The following THADA variants were observed in gnomAD, a reference collection of about 807,000 sequenced individuals.
THADA encodes the protein tRNA (32-2'-O)-methyltransferase regulator THADA.
THADA carries 213 observed loss-of-function variants against 219.8 expected under a neutral mutation model. The ratio of observed to expected loss-of-function variants is 0.97; its 90% CI spans 0.87 to 1.09. The LOEUF (loss-of-function observed/expected upper bound fraction) is 1.09. Among genes scored for constraint, THADA ranks in the 50% least tolerant of loss-of-function variants. The pLI is 0.00. For synonymous variants in THADA, 1,018 were observed against 828.9 expected, an observed-to-expected ratio of 1.23 and a Z score of -3.92; for missense variants, 2,956 against 2,311.3, an observed-to-expected ratio of 1.28 and a Z score of -5.72.
intron 10 of THADA, among the ~76,000 whole-genome samples, chr2:43,575,266 T>C (rs1181255623): frequency 6.6e-6 from 1 of 152,142 alleles, no homozygotes; most frequent in Non-Finnish European, 1.5e-5. Flanking sequence ...CTAGGCAATA[T>C]AGTGAAACCC....
At position 43,239,778 on chromosome 2, in the gene THADA, C is replaced by G. The variant is rs191008609; in HGVS notation, c.5297-6896G>C. ...TAGCTCTGGAGAATCCTCCTTCAGG[C>G]ATCTGAAAAATCCCTCAGCTTTAGG... is the stretch of plus-strand genomic sequence containing the variant. On this transcript the variant is annotated intron_variant, in intron 36 of 37. Transcript: ENST00000405975. 2.6e-3 allele frequency among the ~76,000 whole-genome samples: 392 copies of G among 152,306 alleles called. 3 individuals are homozygous for G. Among genetic ancestry groups the G allele is most frequent in the African/African-American group, 9.0e-3 (372 of 41,564 alleles).
chr2:43,588,074 G>A (rs963962080), intron 4 of THADA, among the ~76,000 whole-genome samples: 1 of 152,182 alleles, frequency 6.6e-6, no homozygotes, highest in African/African-American at 2.4e-5. Flanking sequence ...AAATAAAAGT[G>A]TGGTGTTGGT....
chr2:43,397,007 T>A (rs898641271), intron 29 of THADA, among the ~76,000 whole-genome samples: 2 of 152,178 alleles, frequency 1.3e-5, no homozygotes, highest in Non-Finnish European at 2.9e-5. Context: ...ATGTATTAAT[T>A]TCCTTAGGGT....
chr2:43,554,235 T>C lies in THADA; in HGVS notation c.2675-1896A>G, dbSNP rs527806976. Among the ~76,000 whole-genome samples the C allele has an allele frequency of 2.0e-5, 3 of 152,318 alleles. No homozygotes were observed. The South Asian group carries it at 6.2e-4, about 32-fold the overall frequency. On this transcript the variant is annotated intron_variant, in intron 17 of 37. Coordinates refer to ENST00000405975, the MANE Select transcript of THADA (RefSeq NM_022065.5). ...ATGTTTTCTTCCAAGAATTTTATAG[T>C]TTTAGCTCTTATATTTAAGTCTTTT...
chr2:43,310,217 CCCTT>C (rs1268876960), intron 31 of THADA, among the ~76,000 whole-genome samples: 2 of 73,390 alleles, frequency 2.7e-5, no homozygotes, highest in South Asian at 7.0e-4. Flanking sequence ...CTCCCTCCCT[CCCTT>C]TCCCGCCCCC....
intron 29 of THADA, among the ~76,000 whole-genome samples, chr2:43,354,645 T>C (rs1304492872): frequency 6.6e-6 from 1 of 152,196 alleles, no homozygotes; most frequent in African/African-American, 2.4e-5. Context: ...TCACTTAACA[T>C]GGAACCTCTA....
rs1558893167 is a variant in THADA at position 43,515,359 on chromosome 2, A to AATATATAATATATAATATTTT, written c.3375-6580_3375-6579insAAAATATTATATATTATATAT. ...ATATAATATATAATATTTTATATATAATATATAATATATAATATATAATAT... is the reference window on the plus strand; with the variant it reads ...ATATAATATATAATATTTTATATATAATATATAATATATAATATTTTATATATAATATATAATATATAATAT... On this transcript the variant is annotated intron_variant, in intron 22 of 37. Transcript: ENST00000405975. Among the ~76,000 whole-genome samples the AATATATAATATATAATATTTT allele has an allele frequency of 8.0e-4, 35 of 43,532 alleles. 4 individuals are homozygous for AATATATAATATATAATATTTT. Among genetic ancestry groups the AATATATAATATATAATATTTT allele is most frequent in the African/African-American group, 2.9e-3 (21 of 7,278 alleles). The allele number at this position is 43,532 out of a possible 152,430, so 28.6% of individuals were successfully genotyped here.
chr2:43,484,812 G>A (rs547115223), intron 26 of THADA, among the ~76,000 whole-genome samples: 62 of 152,104 alleles, frequency 4.1e-4, no homozygotes, highest in African/African-American at 1.4e-3. Flanking sequence ...GGTAATGTGA[G>A]AGATGTTCTA....
In THADA at chr2:43,494,569, C is replaced by T. The variant is rs892559692; in HGVS notation, c.3744+4264G>A. Among the ~76,000 whole-genome samples, 12 of 152,214 alleles carry T rather than the reference C, an allele frequency of 7.9e-5. 1 individual carries two copies. In the South Asian group the frequency reaches 2.5e-3, roughly 32 times the overall value. ...GGCAGAGTTATTTCATCTCTCTGAG[C>T]CTTGTTTTCTTCATCTGTAAAATGA... On this transcript the variant is annotated intron_variant, in intron 25 of 37. Transcript: ENST00000405975.
intron 29 of THADA, among the ~76,000 whole-genome samples, chr2:43,390,121 G>A (rs904662471): frequency 1.3e-5 from 2 of 152,202 alleles, no homozygotes; most frequent in African/African-American, 2.4e-5. Context: ...ATACCAGAAA[G>A]CAGAGGAAGT....
chr2:43,417,866 C>G (rs185182581), intron 28 of THADA, among the ~76,000 whole-genome samples: 8 of 152,288 alleles, frequency 5.3e-5, no homozygotes, highest in South Asian at 2.1e-4. Flanking sequence ...ACATTCCCCC[C>G]CTCTGTGGAA....
intron 29 of THADA, among the ~76,000 whole-genome samples, chr2:43,345,460 G>A (rs962708400): frequency 2.6e-5 from 4 of 152,198 alleles, no homozygotes; most frequent in African/African-American, 9.6e-5. Context: ...GTGCACACAA[G>A]TCCCAATGTG....
chr2:43,298,084 C>A lies in THADA; in HGVS notation c.4439-4871G>T, dbSNP rs1260955914. The stretch of plus-strand genomic sequence containing the variant: ...GAGCCCCTCTGCCCGGCCACCACCC[C>A]GTCTGGGAGGTGTGCCCAACAGCTC... On this transcript the variant is annotated intron_variant, in intron 31 of 37. Transcript: ENST00000405975. Among the ~76,000 whole-genome samples the A allele has an allele frequency of 2.9e-5, 3 of 104,214 alleles. 1 individual carries two copies. The highest frequency in any genetic ancestry group is 1.9e-4 in the African/African-American group (3 of 16,082). The allele number at this position is 104,214 out of a possible 152,430, so 68.4% of individuals were successfully genotyped here. A position where few individuals can be genotyped will look rare whatever the true frequency, so the allele number is the denominator to read the frequency against.
intron 31 of THADA, among the ~76,000 whole-genome samples, chr2:43,315,814 CCTAAAAATCCTGT>C (rs1335693593): frequency 6.6e-6 from 1 of 152,154 alleles, no homozygotes; most frequent in Non-Finnish European, 1.5e-5. Context: ...CCATAAGGGT[CCTAAAAATCCTGT>C]AAGGATGAGG....
At chr2:43,537,187 T>G (rs999645694) in intron 21 of THADA, among the ~76,000 whole-genome samples, 1 of 152,264 alleles carries the variant, frequency 6.6e-6, no homozygotes, top group Non-Finnish European at 1.5e-5. Flanking sequence ...GTAATAATTT[T>G]CTACCACTCA....
At chr2:43,585,045 C>G (rs1219473953) in intron 7 of THADA, among the ~76,000 whole-genome samples, 6 of 152,152 alleles carry the variant, frequency 3.9e-5, no homozygotes, top group African/African-American at 1.4e-4. Flanking sequence ...TCTTCCGTGG[C>G]AAATCCAGTA....
At position 43,310,398 on chromosome 2, in the gene THADA, G is replaced by A. The variant is rs184032904; in HGVS notation, c.4438+10048C>T. The stretch of plus-strand genomic sequence containing the variant: ...CTCCTGGCATAAGGATAGATACATA[G>A]ATCAATGGAATACAATTAAGAATCG... On this transcript the variant is annotated intron_variant, in intron 31 of 37. Coordinates refer to ENST00000405975, the MANE Select transcript of THADA (RefSeq NM_022065.5). Among the ~76,000 whole-genome samples the A allele has an allele frequency of 2.0e-5, 3 of 152,102 alleles. No homozygotes were observed. The South Asian group carries it at 6.2e-4, about 32-fold the overall frequency.
At chr2:43,285,641 G>A (rs1673908351) in intron 35 of THADA, among the ~76,000 whole-genome samples, 1 of 149,954 alleles carries the variant, frequency 6.7e-6, no homozygotes, top group South Asian at 2.1e-4. Flanking sequence ...TCGGCTCACC[G>A]TAACCTCTGC....
At chr2:43,455,216 G>C (rs1288525579) in intron 26 of THADA, among the ~76,000 whole-genome samples, 2 of 152,020 alleles carry the variant, frequency 1.3e-5, no homozygotes, top group Non-Finnish European at 2.9e-5. Flanking sequence ...AGTATGTACT[G>C]AAATTTTTAC....
Sources: allele counts gnomAD v4.1 joint callset (sites outside exome capture counted in the v4.1 genomes callset), GRCh38; gene constraint gnomAD v4.1.1; transcripts MANE v1.5; gene names NCBI Gene and HGNC (gene_info 2026-07-23, HGNC 2026-07-21).